TAFA1: variants seen among roughly 807,000 people sequenced by gnomAD.
TAFA1 encodes the protein TAFA chemokine like family member 1, also known as chemokine-like protein TAFA-1.
In TAFA1, 4 loss-of-function variants were observed where a neutral mutation model predicts 18.5. The observed-to-expected ratio is 0.22, with a 90% confidence interval of 0.11 to 0.49. TAFA1 has a LOEUF of 0.49. Ranked by LOEUF, TAFA1 falls within the 20% of genes least tolerant of loss-of-function variation. TAFA1 has a pLI of 0.98. For missense variants in TAFA1, 147 were observed against 169.0 expected (o/e 0.87, Z 0.72); for synonymous variants, 56 against 55.2 (o/e 1.01, Z -0.06).
intron 3 of TAFA1, among the ~76,000 whole-genome samples, chr3:68,529,506 A>G (rs2073158550): frequency 6.8e-6 from 1 of 148,066 alleles, no homozygotes; most frequent in Admixed American, 6.8e-5. Context: ...CCATAGTCTT[A>G]TTAAGCCTTT....
intron 3 of TAFA1, among the ~76,000 whole-genome samples, chr3:68,425,272 G>C (rs1243570744): frequency 1.3e-5 from 2 of 151,956 alleles, no homozygotes; most frequent in African/African-American, 4.8e-5. Flanking sequence ...ATGAATTGCT[G>C]TGGTGGATCA....
In TAFA1 at chr3:68,238,352, A is replaced by G. The variant is rs868258665; in HGVS notation, c.119-178928A>G. ...TCAGACCTTCTTAATTTTACCAGTT[A>G]ATTTTCCTTATTGGTTACATGAACT... On this transcript the variant is annotated intron_variant, in intron 2 of 4. Coordinates refer to ENST00000478136, the MANE Select transcript of TAFA1 (RefSeq NM_213609.4). Among the ~76,000 whole-genome samples the G allele has an allele frequency of 2.6e-5, 4 of 152,208 alleles. No homozygotes were observed. The Middle Eastern group carries it at 0.01, about 388-fold the overall frequency.
At chr3:68,540,940 G>T (rs2073362806) in intron 4 of TAFA1, among the ~76,000 whole-genome samples, 1 of 152,168 alleles carries the variant, frequency 6.6e-6, no homozygotes, top group Non-Finnish European at 1.5e-5. Context: ...TATTGTGCAG[G>T]ATCTGATCAC....
intron 2 of TAFA1, among the ~76,000 whole-genome samples, chr3:68,200,548 T>C (rs912639911): frequency 4.0e-5 from 6 of 151,662 alleles, no homozygotes; most frequent in Admixed American, 6.6e-5. Flanking sequence ...TGTCTTCATA[T>C]GCAAGTTTTG....
chr3:68,302,292 C>A (rs760386603), intron 2 of TAFA1, among the ~76,000 whole-genome samples: 1 of 152,168 alleles, frequency 6.6e-6, no homozygotes, highest in Non-Finnish European at 1.5e-5. Context: ...CCGAGAAAGG[C>A]AGTTAAATTC....
intron 2 of TAFA1, among the ~76,000 whole-genome samples, chr3:68,361,865 G>C (rs2069474657): frequency 1.3e-5 from 2 of 151,994 alleles, no homozygotes; most frequent in Admixed American, 1.3e-4. Context: ...CTCTTGAGAG[G>C]GTAATGAATT....
At chr3:68,464,457 G>A (rs1262858290) in intron 3 of TAFA1, among the ~76,000 whole-genome samples, 6 of 152,100 alleles carry the variant, frequency 3.9e-5, no homozygotes, top group Non-Finnish European at 5.9e-5. Flanking sequence ...GTAAAGTTTT[G>A]TGGGGAGCGA....
chr3:68,261,387 C>G (rs1311162190), intron 2 of TAFA1, among the ~76,000 whole-genome samples: 3 of 152,142 alleles, frequency 2.0e-5, no homozygotes, highest in Non-Finnish European at 4.4e-5. Context: ...ACTAGAAATA[C>G]CATTTGACCC....
intron 2 of TAFA1, among the ~76,000 whole-genome samples, chr3:68,387,062 T>TA (rs952853556): frequency 4.0e-5 from 6 of 151,892 alleles, no homozygotes; most frequent in African/African-American, 1.4e-4. Context: ...TAATTTTATT[T>TA]TTTTTTTTGG....
At chr3:68,186,001 A>T (rs1331490869) in intron 2 of TAFA1, among the ~76,000 whole-genome samples, 1 of 152,120 alleles carries the variant, frequency 6.6e-6, no homozygotes, top group Non-Finnish European at 1.5e-5. Flanking sequence ...CTGAGCATGA[A>T]GCCTGCTCCT....
intron 2 of TAFA1, among the ~76,000 whole-genome samples, chr3:68,089,547 A>G (rs1423786624): frequency 6.6e-6 from 1 of 152,132 alleles, no homozygotes; most frequent in Non-Finnish European, 1.5e-5. Context: ...CAAATACCAG[A>G]CATTTATTTA....
intron 3 of TAFA1, among the ~76,000 whole-genome samples, chr3:68,504,370 T>C (rs1323903055): frequency 6.6e-6 from 1 of 152,144 alleles, no homozygotes; most frequent in Non-Finnish European, 1.5e-5. Flanking sequence ...GCAAGCAGTA[T>C]GCATTTGCCT....
At chr3:68,088,638 T>C (rs966849603) in intron 2 of TAFA1, among the ~76,000 whole-genome samples, 1 of 152,214 alleles carries the variant, frequency 6.6e-6, no homozygotes. Context: ...AAGGACCCTG[T>C]TATGAATATT....
intron 2 of TAFA1, among the ~76,000 whole-genome samples, chr3:68,188,661 T>C (rs1485506642): frequency 1.3e-5 from 2 of 151,838 alleles, no homozygotes; most frequent in Non-Finnish European, 2.9e-5. Flanking sequence ...GTTCAGTCTT[T>C]GTGTTTCCAT....
chr3:68,023,560 A>T (rs1704744594), intron 2 of TAFA1, among the ~76,000 whole-genome samples: 1 of 152,134 alleles, frequency 6.6e-6, no homozygotes, highest in African/African-American at 2.4e-5. Context: ...TGGCCACAAA[A>T]TACCTTAGTG....
intron 3 of TAFA1, among the ~76,000 whole-genome samples, chr3:68,505,421 T>C (rs1174148434): frequency 6.6e-6 from 1 of 152,162 alleles, no homozygotes; most frequent in Admixed American, 6.6e-5. Context: ...GTATTACTTT[T>C]CTATTTCTGC....
intron 4 of TAFA1, among the ~76,000 whole-genome samples, chr3:68,541,538 AATT>A (rs1034807813): frequency 7.2e-5 from 11 of 152,174 alleles, no homozygotes; most frequent in African/African-American, 1.2e-4. Flanking sequence ...GATGTACTTT[AATT>A]ATTATGAGTC....
At chr3:68,282,501 A>G (rs756927987) in intron 2 of TAFA1, among the ~76,000 whole-genome samples, 12 of 152,264 alleles carry the variant, frequency 7.9e-5, no homozygotes, top group Non-Finnish European at 1.6e-4. Context: ...AGAGCTTTCA[A>G]GGTTCCCCAG....
At chr3:68,520,420 T>C (rs932975856) in intron 3 of TAFA1, among the ~76,000 whole-genome samples, 15 of 152,244 alleles carry the variant, frequency 9.9e-5, no homozygotes, top group Non-Finnish European at 2.2e-4. Flanking sequence ...CCCAATTTCT[T>C]TCTTGTGCTA....
Sources: gnomAD v4.1 joint callset for allele counts (sites outside exome capture counted in the v4.1 genomes callset) on GRCh38, gnomAD v4.1.1 for gene constraint, MANE v1.5 for transcripts, NCBI Gene and HGNC (gene_info 2026-07-23, HGNC 2026-07-21) for gene names.